TPH1: variants seen among roughly 807,000 people sequenced by gnomAD.
TPH1 encodes tryptophan hydroxylase 1, also known as tryptophan 5-hydroxylase 1.
Under a neutral mutation model 49.5 loss-of-function variants are expected in TPH1, and 37 were observed. The observed-to-expected ratio is 0.75, with a 90% CI of 0.58 to 0.98. The LOEUF (loss-of-function observed/expected upper bound fraction) is 0.98, where lower values mean the gene tolerates loss of function less well. TPH1 is among the 50% of genes least tolerant of loss of function. TPH1 has a pLI of 0.00. For missense variants in TPH1, 487 were observed against 523.6 expected (o/e 0.93, Z 0.68); for synonymous variants, 160 against 182.1 (o/e 0.88, Z 0.98).
chr11:18,044,198 C>T (rs2071532), intron 1 of TPH1, among the ~76,000 whole-genome samples: 75,321 of 151,904 alleles, frequency 0.5, 20,212 homozygotes, highest in South Asian at 0.69. Flanking sequence ...CCGAGGCGGG[C>T]GAATCATGAG....
chr11:18,037,780 G>C (rs1848060276), intron 2 of TPH1, among the ~76,000 whole-genome samples: 1 of 152,206 alleles, frequency 6.6e-6, no homozygotes, highest in Non-Finnish European at 1.5e-5. Context: ...GAAGTAGTAA[G>C]TGAAACATTC....
intron 1 of TPH1, among the ~76,000 whole-genome samples, chr11:18,044,031 A>G (rs1441942281): frequency 6.6e-6 from 1 of 152,108 alleles, no homozygotes; most frequent in Non-Finnish European, 1.5e-5. Context: ...TTGTGCCAAC[A>G]TCTCCTTAGT....
chr11:18,023,051 C>T (rs2060568538), intron 9 of TPH1, 120 bp from the exon 10 acceptor site: 4 of 1,127,024 alleles, frequency 3.5e-6, no homozygotes, highest in Non-Finnish European at 2.6e-6. Flanking sequence ...TCTACAATTC[C>T]AAACTTATTT....
At position 18,033,260 on chromosome 11, in the gene TPH1, A is replaced by T. The variant is rs1396863693; in HGVS notation, c.402+14T>A. 5 of 1,606,852 alleles carry T rather than the reference A, an allele frequency of 3.1e-6. No individual in the cohort carries two copies. In the African/African-American group the frequency reaches 4.0e-5, roughly 13 times the overall value. On this transcript the variant is annotated intron_variant, in intron 4 of 10. Transcript: ENST00000682019. ...AGAGCAAGACTTGCTCTTAAAAAAA[A>T]AGAAAATACTTACAGGATGGTCTGC...
In TPH1 at chr11:18,020,964, C is replaced by A; in HGVS notation, c.*27G>T. On this transcript the variant is annotated 3_prime_UTR_variant, in exon 11 of 11. Transcript: ENST00000682019. ...TGGCCCAGACCTCCGAATTGATGCTCAAATGTTCCTGGATGACTGGCTACT... is the reference window on the plus strand; with the variant it reads ...TGGCCCAGACCTCCGAATTGATGCTAAAATGTTCCTGGATGACTGGCTACT... The A allele has an allele frequency of 6.2e-7, 1 of 1,612,780 alleles. No homozygotes were observed. Among genetic ancestry groups the A allele is most frequent in the South Asian group, 1.1e-5 (1 of 90,920 alleles).
intron 3 of TPH1, among the ~76,000 whole-genome samples, chr11:18,034,028 T>G (rs1848020005): frequency 6.6e-6 from 1 of 152,230 alleles, no homozygotes; most frequent in Non-Finnish European, 1.5e-5. Context: ...ATCTGTCCCC[T>G]GGGTTCCTGT....
intron 6 of TPH1, among the ~76,000 whole-genome samples, chr11:18,028,600 T>G (rs1421146745): frequency 6.6e-6 from 1 of 152,160 alleles, no homozygotes; most frequent in African/African-American, 2.4e-5. Flanking sequence ...TCTTCAAATT[T>G]TATATGTGAT....
At chr11:18,044,916 T>C (rs1848128176) in intron 1 of TPH1, among the ~76,000 whole-genome samples, 1 of 152,174 alleles carries the variant, frequency 6.6e-6, no homozygotes, top group Non-Finnish European at 1.5e-5. Flanking sequence ...TCATGAAAGG[T>C]AGAGTCATTT....
At position 18,040,752 on chromosome 11, in the gene TPH1, T is replaced by G. The variant is rs1159552613; in HGVS notation, c.11A>C (p.Asp4Ala). The change falls in exon 2 of 11, where the codon GAC becomes GCC. Residue 4 changes from aspartate to alanine, a missense_variant. Asp to Ala is a moderately radical substitution (Grantham distance 126). Transcript: ENST00000682019. ...GGAATGGTCTTTGTTCTCCTTATTG[T>G]CTTCAATCATGATGAATTTGGAGTA... MIEDNKENKDHSLE... is the reference protein window; with the variant it reads MIEANKENKDHSLE... 5.0e-6 allele frequency: 8 copies of G among 1,612,062 alleles called. No homozygotes were observed. The highest frequency in any genetic ancestry group is 6.8e-6 in the Non-Finnish European group (8 of 1,179,044).
chr11:18,033,384 T>TTAAAA lies in TPH1; in HGVS notation c.302-15_302-11dup, dbSNP rs1296707315. On this transcript the variant is annotated splice_polypyrimidine_tract_variant and intron_variant, in intron 3 of 10. Coordinates refer to ENST00000682019, the MANE Select transcript of TPH1 (RefSeq NM_004179.3). ...GGAACAGTTTCCATACCTGTAAAAT[T>TTAAAA]TAAAATAAAATAAAATAAAAACCAG... The TTAAAA allele has an allele frequency of 5.0e-6, 8 of 1,584,246 alleles. No homozygotes were observed. The highest frequency in any genetic ancestry group is 1.7e-5 in the Admixed American group (1 of 59,778).
intron 2 of TPH1, 106 bp downstream of exon 2, chr11:18,040,539 GT>G (rs927624403): frequency 1.9e-4 from 216 of 1,126,818 alleles, no homozygotes; most frequent in Middle Eastern, 3.0e-4. Flanking sequence ...AGCTAAATTT[GT>G]TTTTTTTTAA....
rs750264232 is a variant in TPH1, at chr11:18,025,716, C to T, written c.804-15G>A. The T allele has an allele frequency of 3.2e-5, 51 of 1,613,660 alleles. No individual in the cohort carries two copies. The Admixed American group carries it at 8.5e-4, about 27-fold the overall frequency. ...GGCAGGTATCTCTGAAAGAGAGGTA[C>T]AAGTTTGTCACGCTGCAGTGCTTAA... On this transcript the variant is annotated splice_polypyrimidine_tract_variant and intron_variant, in intron 7 of 10. Transcript: ENST00000682019.
rs761166050 is a variant in TPH1 at position 18,029,278 on chromosome 11, TAG to T, written c.552_553del (p.Tyr185ProfsTer17). The T allele has an allele frequency of 1.2e-6, 2 of 1,614,054 alleles. No individual in the cohort carries two copies. The highest frequency in any genetic ancestry group is 4.5e-5 in the East Asian group (2 of 44,858). The stretch of plus-strand genomic sequence containing the variant: ...ATACTCTCTGCAAGCATGGGTTGGG[TAG>T]AGTTTGTTGAGCTCTTGGAATACGG... On this transcript the variant is annotated frameshift_variant, in exon 6 of 11. Coordinates refer to ENST00000682019, the MANE Select transcript of TPH1 (RefSeq NM_004179.3). LOFTEE classifies it high-confidence loss of function.
At chr11:18,040,310 A>C (rs1848087304) in intron 2 of TPH1, among the ~76,000 whole-genome samples, 1 of 147,434 alleles carries the variant, frequency 6.8e-6, no homozygotes, top group South Asian at 2.1e-4. Context: ...GTTTACAATA[A>C]TTTATATATA....
chr11:18,041,256 T>C (rs1848096423), intron 1 of TPH1: 1 of 157,090 alleles, frequency 6.4e-6, no homozygotes, highest in Admixed American at 6.4e-5. Flanking sequence ...TCTATTTATT[T>C]TGTAAACTAA....
intron 1 of TPH1, chr11:18,042,564 G>A (rs956930432): frequency 3.8e-6 from 1 of 265,782 alleles, no homozygotes; most frequent in African/African-American, 2.3e-5. Context: ...AACTTGGAGG[G>A]AGGATAATTA....
chr11:18,023,197 T>C, intron 9 of TPH1: 1 of 431,774 alleles, frequency 2.3e-6, no homozygotes, highest in South Asian at 2.3e-5. Context: ...AGGATCTTTA[T>C]TTATTTATTC....
chr11:18,020,828 C>A lies in TPH1; in HGVS notation c.*163G>T. ...AAAAATAAGTGGTAAATAGAATATC[C>A]AGGTACAAATTTTCAAAGACTAGTG... is the stretch of plus-strand genomic sequence containing the variant. On this transcript the variant is annotated 3_prime_UTR_variant, in exon 11 of 11. Coordinates refer to ENST00000682019, the MANE Select transcript of TPH1 (RefSeq NM_004179.3). The A allele has an allele frequency of 1.2e-5, 8 of 660,144 alleles. No homozygotes were observed. Among genetic ancestry groups the A allele is most frequent in the East Asian group, 2.6e-5 (1 of 38,324 alleles). The allele number at this position is 660,144 out of a possible 1,614,324, so 40.9% of individuals were successfully genotyped here. A position where few individuals can be genotyped will look rare whatever the true frequency, so the allele number is the denominator to read the frequency against.
chr11:18,023,532 T>C (rs149961495), intron 9 of TPH1, among the ~76,000 whole-genome samples: 46 of 151,982 alleles, frequency 3.0e-4, no homozygotes, highest in Non-Finnish European at 5.9e-4. Flanking sequence ...AAATATTTCA[T>C]GTGTGTGTGT....
Sources: allele counts gnomAD v4.1 joint callset (sites outside exome capture counted in the v4.1 genomes callset), GRCh38; gene constraint gnomAD v4.1.1; transcripts MANE v1.5; gene names NCBI Gene and HGNC (gene_info 2026-07-23, HGNC 2026-07-21).